The following DPH6 variants were observed in gnomAD, a reference collection of about 807,000 sequenced individuals.
DPH6 encodes diphthine--ammonia ligase.
DPH6 carries 33 observed loss-of-function variants against 38.2 expected under a neutral mutation model. That is an observed-to-expected ratio of 0.86 (90% CI 0.65 to 1.15). The LOEUF is 1.15. Among genes scored for constraint, DPH6 ranks in the 50% most tolerant of loss-of-function variants. The pLI is 0.00. For synonymous variants in DPH6, 108 were observed against 103.0 expected (o/e 1.05, Z -0.30); for missense variants, 325 against 320.0 (o/e 1.02, Z -0.12).
At chr15:35,271,917 CATCATTT>C (rs1370609383) in intron 3 of DPH6, among the ~76,000 whole-genome samples, 2 of 152,208 alleles carry the variant, frequency 1.3e-5, no homozygotes, top group Non-Finnish European at 2.9e-5. Context: ...AACTTGGCTT[CATCATTT>C]ATAAACTATG....
intron 3 of DPH6, chr15:35,520,508 A>G: frequency 2.0e-6 from 2 of 984,644 alleles, no homozygotes; most frequent in Non-Finnish European, 2.4e-6. Flanking sequence ...TTGAAATTAA[A>G]TCCAATTAAG....
intron 3 of DPH6, among the ~76,000 whole-genome samples, chr15:35,532,165 G>A (rs1330569451): frequency 6.6e-6 from 1 of 152,194 alleles, no homozygotes; most frequent in Admixed American, 6.5e-5. Flanking sequence ...TCCCAGAGGT[G>A]CTTGTGTGAG....
At chr15:35,523,336 T>G (rs2054951166) in intron 3 of DPH6, among the ~76,000 whole-genome samples, 1 of 151,622 alleles carries the variant, frequency 6.6e-6, no homozygotes, top group Non-Finnish European at 1.5e-5. Flanking sequence ...GACATGCTTT[T>G]TATAATAATA....
At position 35,545,951 on chromosome 15, in the gene DPH6, T is replaced by A. The variant is rs116251882; in HGVS notation, c.23+168A>T. ...CGCGCCAGCCAGGGGCCGAGGCACATGCGGGCCGGCAACAGCGAAGGCTCC... is the reference window on the plus strand; with the variant it reads ...CGCGCCAGCCAGGGGCCGAGGCACAAGCGGGCCGGCAACAGCGAAGGCTCC... On this transcript the variant is annotated intron_variant, in intron 1 of 8. Coordinates refer to ENST00000256538, the MANE Select transcript of DPH6 (RefSeq NM_080650.4). Among the ~76,000 whole-genome samples, 1,324 of 149,276 alleles carry A rather than the reference T, an allele frequency of 8.9e-3. 33 individuals are homozygous for A. The highest frequency in any genetic ancestry group is 0.031 in the African/African-American group (1,263 of 41,248).
chr15:35,496,313 G>C (rs1397481316), intron 3 of DPH6, among the ~76,000 whole-genome samples: 2 of 151,656 alleles, frequency 1.3e-5, no homozygotes, highest in Non-Finnish European at 2.9e-5. Context: ...CCAGCACTTT[G>C]GGAGGCCGAG....
chr15:35,237,272 C>G, intron 3 of DPH6: 3 of 1,488,112 alleles, frequency 2.0e-6, no homozygotes, highest in Admixed American at 1.7e-5. Context: ...AACGCGCGGC[C>G]GTGTTATTGA....
chr15:35,158,650 T>A, the DPH6 span, among the ~76,000 whole-genome samples: 3 of 152,064 alleles, frequency 2.0e-5, no homozygotes, highest in Non-Finnish European at 4.4e-5. Flanking sequence ...AGTACTTATG[T>A]TGGGAAAGCT....
intron 6 of DPH6, among the ~76,000 whole-genome samples, chr15:35,388,470 C>T (rs991676492): frequency 6.6e-6 from 1 of 152,150 alleles, no homozygotes; most frequent in African/African-American, 2.4e-5. Flanking sequence ...TCCATCTGGT[C>T]CTGGACTGTT....
At chr15:35,281,516 G>C (rs757031157) in intron 3 of DPH6, among the ~76,000 whole-genome samples, 12 of 151,970 alleles carry the variant, frequency 7.9e-5, no homozygotes, top group Non-Finnish European at 1.3e-4. Context: ...CATGACTTTT[G>C]ACCTAAGCAG....
At chr15:35,172,118 G>C in the DPH6 span, among the ~76,000 whole-genome samples, 1 of 152,042 alleles carries the variant, frequency 6.6e-6, no homozygotes, top group Admixed American at 6.6e-5. Flanking sequence ...CACCTGCCTT[G>C]GCCTCCCAAA....
At chr15:35,439,388 C>T (rs1042388802) in intron 5 of DPH6, among the ~76,000 whole-genome samples, 4 of 152,294 alleles carry the variant, frequency 2.6e-5, no homozygotes, top group Non-Finnish European at 1.5e-5. Flanking sequence ...TTGTTTCTCT[C>T]TGCCTGGCTT....
the DPH6 span, among the ~76,000 whole-genome samples, chr15:35,201,884 G>A: frequency 4.0e-5 from 6 of 151,416 alleles, no homozygotes; most frequent in Admixed American, 1.3e-4. Context: ...TGTGTTCAAC[G>A]TCACTATACA....
the DPH6 span, among the ~76,000 whole-genome samples, chr15:35,145,022 T>C: frequency 1.3e-5 from 2 of 152,334 alleles, no homozygotes; most frequent in East Asian, 3.9e-4. Flanking sequence ...AAGATTTTAG[T>C]TGATTTCTAA....
intron 3 of DPH6, among the ~76,000 whole-genome samples, chr15:35,338,678 C>T (rs1410105522): frequency 1.3e-5 from 2 of 152,158 alleles, no homozygotes; most frequent in African/African-American, 4.8e-5. Context: ...CATCCCATTA[C>T]TGGGTATATA....
At chr15:35,360,164 T>A (rs2140905401) in intron 3 of DPH6, among the ~76,000 whole-genome samples, 1 of 152,230 alleles carries the variant, frequency 6.6e-6, no homozygotes, top group South Asian at 2.1e-4. Flanking sequence ...TTTTTGCAGG[T>A]AAAAAACTTC....
intron 5 of DPH6, among the ~76,000 whole-genome samples, chr15:35,442,911 C>T (rs183628024): frequency 1.1e-4 from 16 of 152,222 alleles, no homozygotes; most frequent in Non-Finnish European, 1.6e-4. Flanking sequence ...TGATTACTAA[C>T]GAGCATGAGA....
intron 5 of DPH6, among the ~76,000 whole-genome samples, chr15:35,447,679 C>A (rs755982114): frequency 6.6e-6 from 1 of 152,146 alleles, no homozygotes; most frequent in African/African-American, 2.4e-5. Flanking sequence ...CCCCTAAAGG[C>A]CTTTAAGAAT....
At chr15:35,329,879 A>C (rs938850415), downstream of DPH6, among the ~76,000 whole-genome samples, 3 of 152,202 alleles carry the variant, frequency 2.0e-5, no homozygotes, top group African/African-American at 7.2e-5. Flanking sequence ...GTTGAAAGAA[A>C]TAGGCTGCTG....
chr15:35,536,138 T>C (rs774608241), intron 3 of DPH6, among the ~76,000 whole-genome samples: 13 of 152,048 alleles, frequency 8.5e-5, no homozygotes, highest in African/African-American at 2.9e-4. Flanking sequence ...TGAAAAATTA[T>C]AGCTTTTCTA....
Sources: allele counts gnomAD v4.1 joint callset (sites outside exome capture counted in the v4.1 genomes callset), GRCh38; gene constraint gnomAD v4.1.1; transcripts MANE v1.5; gene names NCBI Gene and HGNC (gene_info 2026-07-23, HGNC 2026-07-21).